The following KLF6 variants were observed in gnomAD, a reference collection of about 807,000 sequenced individuals.
KLF6 encodes the protein Krueppel-like factor 6.
For missense variants in KLF6, 233 were observed against 359.8 expected (o/e 0.65, Z 2.85); for synonymous variants, 152 against 147.9 (o/e 1.03, Z -0.20).
In KLF6 at chr10:3,781,310, G is replaced by A. The variant is rs1046096047; in HGVS notation, c.676+331C>T. On this transcript the variant is annotated intron_variant, in intron 2 of 3. Transcript: ENST00000497571. The surrounding 1 kb of genome is among the most constrained non-coding windows in gnomAD (Gnocchi z 5.8). ...AGGGCCGCTCGAGGTAGCCTCGTGC[G>A]AGTGCACTGGTGAAGGGGCAGTGGC... 6.0e-6 allele frequency: 6 copies of A among 994,086 alleles called. No homozygotes were observed. In the East Asian group the frequency reaches 8.0e-5, roughly 13 times the overall value. 61.6% of individuals were successfully genotyped at this position (994,086 alleles called of 1,614,324 possible). A position where few individuals can be genotyped will look rare whatever the true frequency, so the allele number is the denominator to read the frequency against.
Position 3,777,586 on chromosome 10 carries a change from T to C in KLF6, c.*1953A>G, listed in dbSNP as rs1564292901. 2.0e-6 allele frequency: 1 copy of C among 511,756 alleles called. No homozygotes were observed. The highest frequency in any genetic ancestry group is 4.3e-5 in the East Asian group (1 of 23,158). The allele number at this position is 511,756 out of a possible 1,614,324, so 31.7% of individuals were successfully genotyped here. On this transcript the variant is annotated 3_prime_UTR_variant, in exon 4 of 4. Coordinates refer to ENST00000497571, the MANE Select transcript of KLF6 (RefSeq NM_001300.6). ...CCCGGAACAGATTCAAGCAAGAAAG[T>C]CCTCCGCACATCGTTAAATTAAAGA...
rs1790157059 is a variant in KLF6, at chr10:3,777,900, A to G, written c.*1639T>C. The G allele has an allele frequency of 2.0e-6, 1 of 491,558 alleles. No homozygotes were observed. Among genetic ancestry groups the G allele is most frequent in the Admixed American group, 2.3e-5 (1 of 42,962 alleles). 30.4% of individuals were successfully genotyped at this position (491,558 alleles called of 1,614,324 possible). ...AGATATGTGAAACTTGTGCCTTTTA[A>G]GCAAATACATTAACATTGGGGGTTT... On this transcript the variant is annotated 3_prime_UTR_variant, in exon 4 of 4. Coordinates refer to ENST00000497571, the MANE Select transcript of KLF6 (RefSeq NM_001300.6).
chr10:3,784,890 G>A (rs1832615611), intron 1 of KLF6, 23 bp downstream of exon 1: 7 of 1,587,776 alleles, frequency 4.4e-6, no homozygotes, highest in Non-Finnish European at 6.0e-6. Context: ...CGCCCGCAGG[G>A]AACCGCGGCC....
Position 3,776,157 on chromosome 10 carries a change from T to A in KLF6, c.*3382A>T, listed in dbSNP as rs1832367493. 1 of 530,520 alleles carries A rather than the reference T, an allele frequency of 1.9e-6. No homozygotes were observed. Among genetic ancestry groups the A allele is most frequent in the Non-Finnish European group, 3.6e-6 (1 of 273,986 alleles). 32.9% of individuals were successfully genotyped at this position (530,520 alleles called of 1,614,324 possible). On this transcript the variant is annotated 3_prime_UTR_variant, in exon 4 of 4. Transcript: ENST00000497571. ...GCTGGCTGGGGAAGGTAGGCCCAGC[T>A]CTAGCTGCGGAACTGGAGCAGGCTG...
At position 3,781,625 on chromosome 10, in the gene KLF6, C is replaced by T; in HGVS notation, c.676+16G>A. 1 of 1,611,898 alleles carries T rather than the reference C, an allele frequency of 6.2e-7. No homozygotes were observed. The highest frequency in any genetic ancestry group is 8.5e-7 in the Non-Finnish European group (1 of 1,179,114). On this transcript the variant is annotated intron_variant, in intron 2 of 3. Transcript: ENST00000497571. The surrounding 1 kb of genome is among the most constrained non-coding windows in gnomAD (Gnocchi z 5.8). ...CCCACCAGCGGCCGCCCTCCGGGGC[C>T]CGCGTGGGCACTGACCTGTGTGCGT...
chr10:3,781,705 A>G lies in KLF6; in HGVS notation c.612T>C (p.Phe204=), dbSNP rs749781437. ...DGRRRVHRCH[F]NGCRKVYTKS... ...TGGTGTAAACTTTCCTGCAGCCGTT[A>G]AAGTGGCACCGGTGCACCCTCCTCC... The change falls in exon 2 of 4, where the codon TTT becomes TTC. Residue 204 remains phenylalanine (F), a synonymous_variant. Coordinates refer to ENST00000497571, the MANE Select transcript of KLF6 (RefSeq NM_001300.6). This position sits in a 1 kb window ranked among gnomAD's most constrained non-coding sequence, Gnocchi z 5.8. 1.4e-5 allele frequency: 23 copies of G among 1,613,918 alleles called. No homozygotes were observed. Among genetic ancestry groups the G allele is most frequent in the Admixed American group, 5.0e-5 (3 of 59,992 alleles).
chr10:3,780,474 G>A lies in KLF6; in HGVS notation c.677-245C>T. 1.8e-6 allele frequency: 1 copy of A among 566,758 alleles called. No homozygotes were observed. Among genetic ancestry groups the A allele is most frequent in the Non-Finnish European group, 3.2e-6 (1 of 313,526 alleles). The allele number at this position is 566,758 out of a possible 1,614,324, so 35.1% of individuals were successfully genotyped here. A position where few individuals can be genotyped will look rare whatever the true frequency, so the allele number is the denominator to read the frequency against. On this transcript the variant is annotated intron_variant, in intron 2 of 3. Transcript: ENST00000497571. This position sits in a 1 kb window ranked among gnomAD's most constrained non-coding sequence, Gnocchi z 4.6. Reference sequence around the variant, plus strand: ...CCAAGCCCATGGTGCTGTCATCAAAGTTAACGTGGAAGAACGACCACGACT... The same window carrying A: ...CCAAGCCCATGGTGCTGTCATCAAAATTAACGTGGAAGAACGACCACGACT...
rs762548312 is a variant in KLF6 at position 3,781,749 on chromosome 10, C to T, written c.568G>A (p.Asp190Asn). 9.3e-6 allele frequency: 15 copies of T among 1,614,230 alleles called. No homozygotes were observed. Among genetic ancestry groups the T allele is most frequent in the African/African-American group, 1.3e-5 (1 of 75,056 alleles). The stretch of plus-strand genomic sequence containing the variant: ...CTCCTCCTGCCGTCGGGGGAGGCAT[C>T]GCCATTTCCCTTGTCACCTGGCTTC... The part of the protein sequence containing the change: ...SGKPGDKGNG[D>N]ASPDGRRRVH... Residue 190 changes from aspartate (D) to asparagine (N), a missense_variant, in exon 2 of 4, where the codon GAT becomes AAT. Transcript: ENST00000497571. This position sits in a 1 kb window ranked among gnomAD's most constrained non-coding sequence, Gnocchi z 5.8.
chr10:3,778,111 A>T lies in KLF6; in HGVS notation c.*1428T>A. 1 of 517,526 alleles carries T rather than the reference A, an allele frequency of 1.9e-6. No homozygotes were observed. Among genetic ancestry groups the T allele is most frequent in the South Asian group, 1.5e-5 (1 of 65,034 alleles). The allele number at this position is 517,526 out of a possible 1,614,324, so 32.1% of individuals were successfully genotyped here. ...GTCAAGTTGCCTAAAGTGTTGAACA[A>T]ATACTGACATGTAAAGGGAGTTTCA... On this transcript the variant is annotated 3_prime_UTR_variant, in exon 4 of 4. Transcript: ENST00000497571.
intron 3 of KLF6, 148 bp from the exon 4 acceptor site, chr10:3,779,738 C>T (rs1441358081): frequency 2.6e-6 from 2 of 757,606 alleles, no homozygotes; most frequent in Admixed American, 4.1e-5. Flanking sequence ...TCAGTGTCTT[C>T]AGGGACAGGA....
Position 3,776,518 on chromosome 10 carries a change from C to T in KLF6, c.*3021G>A, listed in dbSNP as rs1294393021. Reference sequence around the variant, plus strand: ...ATGCAGGAGGAATCTGTTCCAACAACCCCCTTCCCCCAAAAAAAACAACCA... The same window carrying T: ...ATGCAGGAGGAATCTGTTCCAACAATCCCCTTCCCCCAAAAAAAACAACCA... On this transcript the variant is annotated 3_prime_UTR_variant, in exon 4 of 4. Coordinates refer to ENST00000497571, the MANE Select transcript of KLF6 (RefSeq NM_001300.6). 2 of 528,690 alleles carry T rather than the reference C, an allele frequency of 3.8e-6. No individual in the cohort carries two copies. The highest frequency in any genetic ancestry group is 7.3e-6 in the Non-Finnish European group (2 of 273,020). 32.7% of individuals were successfully genotyped at this position (528,690 alleles called of 1,614,324 possible).
Position 3,785,015 on chromosome 10 carries a change from G to C in KLF6, c.-1C>G. On this transcript the variant is annotated 5_prime_UTR_variant, in exon 1 of 4. Transcript: ENST00000497571. ...TGCTGCACATGGGGAGCACGTCCAT[G>C]TCGGGCCGGGTTGGACGGAGCCCGC... 6.2e-7 allele frequency: 1 copy of C among 1,610,794 alleles called. No homozygotes were observed. The highest frequency in any genetic ancestry group is 8.5e-7 in the Non-Finnish European group (1 of 1,178,052).
rs1832509481 is a variant in KLF6, at chr10:3,781,170, GCTT to G, written c.676+468_676+470del. On this transcript the variant is annotated intron_variant, in intron 2 of 3. Transcript: ENST00000497571. The surrounding 1 kb of genome is among the most constrained non-coding windows in gnomAD (Gnocchi z 5.8). ...GAAACACTCGCTGATCAATGCTGCT[GCTT>G]ACAGAGCAGGCCGGTCCCACTCGGG... The G allele has an allele frequency of 6.4e-6, 2 of 310,552 alleles. No individual in the cohort carries two copies. Among genetic ancestry groups the G allele is most frequent in the African/African-American group, 4.3e-5 (2 of 46,562 alleles). 19.2% of individuals were successfully genotyped at this position (310,552 alleles called of 1,614,324 possible).
rs1332753044 is a variant in KLF6, at chr10:3,777,653, C to T, written c.*1886G>A. The T allele has an allele frequency of 6.1e-6, 3 of 489,846 alleles. No individual in the cohort carries two copies. The highest frequency in any genetic ancestry group is 1.2e-5 in the Non-Finnish European group (3 of 248,622). 30.3% of individuals were successfully genotyped at this position (489,846 alleles called of 1,614,324 possible). A position where few individuals can be genotyped will look rare whatever the true frequency, so the allele number is the denominator to read the frequency against. ...GTTAGGTTATGGTTTTCATTTTTACCTCCTTTATGGCCATTTTGAAATATT... is the reference window on the plus strand; with the variant it reads ...GTTAGGTTATGGTTTTCATTTTTACTTCCTTTATGGCCATTTTGAAATATT... On this transcript the variant is annotated 3_prime_UTR_variant, in exon 4 of 4. Transcript: ENST00000497571.
In KLF6 at chr10:3,776,678, A is replaced by ATTC; in HGVS notation, c.*2858_*2860dup. ...AAAATTTTACAAAAATCTTACAAAGATTCTTTAGATAACAGGGTGCTTCCA... is the reference window on the plus strand; with the variant it reads ...AAAATTTTACAAAAATCTTACAAAGATTCTTCTTTAGATAACAGGGTGCTTCCA... On this transcript the variant is annotated 3_prime_UTR_variant, in exon 4 of 4. Transcript: ENST00000497571. The ATTC allele has an allele frequency of 2.1e-6, 1 of 479,324 alleles. No individual in the cohort carries two copies. The highest frequency in any genetic ancestry group is 3.9e-6 in the Non-Finnish European group (1 of 253,364). 29.7% of individuals were successfully genotyped at this position (479,324 alleles called of 1,614,324 possible). A position where few individuals can be genotyped will look rare whatever the true frequency, so the allele number is the denominator to read the frequency against.
At position 3,776,513 on chromosome 10, in the gene KLF6, A is replaced by C. The variant is rs1832379865; in HGVS notation, c.*3026T>G. On this transcript the variant is annotated 3_prime_UTR_variant, in exon 4 of 4. Transcript: ENST00000497571. ...GATGAATGCAGGAGGAATCTGTTCC[A>C]ACAACCCCCTTCCCCCAAAAAAAAC... is the stretch of plus-strand genomic sequence containing the variant. 1 of 529,634 alleles carries C rather than the reference A, an allele frequency of 1.9e-6. No individual in the cohort carries two copies. Among genetic ancestry groups the C allele is most frequent in the African/African-American group, 1.9e-5 (1 of 53,514 alleles). 32.8% of individuals were successfully genotyped at this position (529,634 alleles called of 1,614,324 possible). A position where few individuals can be genotyped will look rare whatever the true frequency, so the allele number is the denominator to read the frequency against.
rs1382390544 is a variant in KLF6, at chr10:3,777,960, T to G, written c.*1579A>C. On this transcript the variant is annotated 3_prime_UTR_variant, in exon 4 of 4. Coordinates refer to ENST00000497571, the MANE Select transcript of KLF6 (RefSeq NM_001300.6). ...TCTGTATCTTTAATATGTGTGAAAATGTTACATATTAAATACAGCCGGTGT... is the reference window on the plus strand; with the variant it reads ...TCTGTATCTTTAATATGTGTGAAAAGGTTACATATTAAATACAGCCGGTGT... 3 of 498,966 alleles carry G rather than the reference T, an allele frequency of 6.0e-6. No individual in the cohort carries two copies. Among genetic ancestry groups the G allele is most frequent in the Non-Finnish European group, 1.2e-5 (3 of 254,004 alleles). 30.9% of individuals were successfully genotyped at this position (498,966 alleles called of 1,614,324 possible). A position where few individuals can be genotyped will look rare whatever the true frequency, so the allele number is the denominator to read the frequency against.
Position 3,776,522 on chromosome 10 carries a change from C to T in KLF6, c.*3017G>A, listed in dbSNP as rs1380349744. 1.9e-6 allele frequency: 1 copy of T among 528,164 alleles called. No individual in the cohort carries two copies. Among genetic ancestry groups the T allele is most frequent in the Non-Finnish European group, 3.7e-6 (1 of 272,726 alleles). 32.7% of individuals were successfully genotyped at this position (528,164 alleles called of 1,614,324 possible). ...AGGAGGAATCTGTTCCAACAACCCCCTTCCCCCAAAAAAAACAACCAGACT... is the reference window on the plus strand; with the variant it reads ...AGGAGGAATCTGTTCCAACAACCCCTTTCCCCCAAAAAAAACAACCAGACT... On this transcript the variant is annotated 3_prime_UTR_variant, in exon 4 of 4. Transcript: ENST00000497571.
chr10:3,779,816 C>T (rs1421143425), intron 3 of KLF6, among the ~76,000 whole-genome samples: 1 of 152,198 alleles, frequency 6.6e-6, no homozygotes, highest in Non-Finnish European at 1.5e-5. Context: ...TTTGGAGAAT[C>T]TGAACGGACT....
Sources: gnomAD v4.1 joint callset for allele counts (sites outside exome capture counted in the v4.1 genomes callset) on GRCh38, gnomAD v4.1.1 for gene constraint, Gnocchi (gnomAD v3.1) non-coding constraint, MANE v1.5 for transcripts, NCBI Gene and HGNC (gene_info 2026-07-23, HGNC 2026-07-21) for gene names.